The following CPPED1 variants were observed in gnomAD, a reference collection of about 807,000 sequenced individuals.
CPPED1 encodes the protein calcineurin like phosphoesterase domain containing 1.
A neutral mutation model predicts 28.0 loss-of-function variants in CPPED1; 28 were observed. The observed-to-expected ratio is 1.00, with a 90% confidence interval of 0.74 to 1.37. The LOEUF (loss-of-function observed/expected upper bound fraction) is 1.37. CPPED1 is among the 40% of genes most tolerant of loss of function. The probability of loss-of-function intolerance (pLI) is 0.00; values close to 1 mark genes in which losing one functional copy is unlikely to be tolerated. For synonymous variants in CPPED1, 198 were observed against 180.2 expected (o/e 1.10, Z -0.79); for missense variants, 504 against 416.5 (o/e 1.21, Z -1.83).
chr16:12,735,769 C>A (rs1439288166), intron 2 of CPPED1, among the ~76,000 whole-genome samples: 1 of 152,180 alleles, frequency 6.6e-6, no homozygotes, highest in Admixed American at 6.5e-5. Flanking sequence ...TAAAATAAAT[C>A]AGGGGAAGAG....
At chr16:12,771,074 A>G (rs1485348537) in intron 2 of CPPED1, among the ~76,000 whole-genome samples, 6 of 152,248 alleles carry the variant, frequency 3.9e-5, no homozygotes, top group Non-Finnish European at 8.8e-5. Context: ...TAAAGTAACA[A>G]TAAAAAGATC....
Position 12,660,437 on chromosome 16 carries a change from C to G in CPPED1, c.*4449G>C, listed in dbSNP as rs2079787391. Reference sequence around the variant, plus strand: ...AAAAGGAAAATTTAGTCAGCAAAATCTTTTCTAGATAAATGCTAGAAATCA... The same window carrying G: ...AAAAGGAAAATTTAGTCAGCAAAATGTTTTCTAGATAAATGCTAGAAATCA... On this transcript the variant is annotated 3_prime_UTR_variant, in exon 4 of 4. Coordinates refer to ENST00000381774, the MANE Select transcript of CPPED1 (RefSeq NM_018340.3). The G allele has an allele frequency of 6.6e-6, 1 of 151,816 alleles. No individual in the cohort carries two copies. Among genetic ancestry groups the G allele is most frequent in the Non-Finnish European group, 1.5e-5 (1 of 68,030 alleles). 9.4% of individuals were successfully genotyped at this position (151,816 alleles called of 1,614,324 possible).
Position 12,803,115 on chromosome 16 carries a change from C to T in CPPED1, c.70+592G>A, listed in dbSNP as rs545903559. ...CCCTATGAGGCAGGTATTATCAAAC[C>T]CATTTTTAAGGCAAAGCAGATAATC... On this transcript the variant is annotated intron_variant, in intron 1 of 3. Coordinates refer to ENST00000381774, the MANE Select transcript of CPPED1 (RefSeq NM_018340.3). Among the ~76,000 whole-genome samples the T allele has an allele frequency of 2.0e-5, 3 of 152,316 alleles. No individual in the cohort carries two copies. In the East Asian group the frequency reaches 5.8e-4, roughly 29 times the overall value.
chr16:12,772,915 A>G (rs1446908539), intron 2 of CPPED1, among the ~76,000 whole-genome samples: 1 of 152,238 alleles, frequency 6.6e-6, no homozygotes, highest in Non-Finnish European at 1.5e-5. Context: ...AGTGCCCTGT[A>G]ATGAAATCCA....
chr16:12,683,102 C>A (rs1403620316), intron 3 of CPPED1, among the ~76,000 whole-genome samples: 1 of 152,166 alleles, frequency 6.6e-6, no homozygotes, highest in Admixed American at 6.5e-5. Context: ...GGAGAAAGTG[C>A]CCTGCCTCTG....
intron 2 of CPPED1, among the ~76,000 whole-genome samples, chr16:12,757,139 T>G (rs1444462836): frequency 2.0e-5 from 3 of 151,612 alleles, no homozygotes. Context: ...GGTGACCAAT[T>G]AAGTTATAGC....
chr16:12,686,427 G>A (rs1488017461), intron 3 of CPPED1, among the ~76,000 whole-genome samples: 5 of 152,158 alleles, frequency 3.3e-5, no homozygotes, highest in African/African-American at 1.2e-4. Flanking sequence ...CAAAATAACA[G>A]AGTTCCCCTG....
At chr16:12,785,161 C>G (rs1030067627) in intron 1 of CPPED1, among the ~76,000 whole-genome samples, 1 of 152,200 alleles carries the variant, frequency 6.6e-6, no homozygotes, top group Non-Finnish European at 1.5e-5. Context: ...GCTTACAATG[C>G]TTAATTCTAG....
chr16:12,755,494 C>T (rs2080360213), intron 2 of CPPED1, among the ~76,000 whole-genome samples: 1 of 151,718 alleles, frequency 6.6e-6, no homozygotes, highest in South Asian at 2.1e-4. Context: ...GTGGCTGAGG[C>T]TGGTGTATGA....
At chr16:12,772,079 TA>T (rs1426293766) in intron 2 of CPPED1, among the ~76,000 whole-genome samples, 3 of 151,982 alleles carry the variant, frequency 2.0e-5, no homozygotes, top group African/African-American at 4.8e-5. Flanking sequence ...GCTGAGATCG[TA>T]CCGCTGCACT....
intron 3 of CPPED1, among the ~76,000 whole-genome samples, chr16:12,695,379 C>G (rs2079984541): frequency 6.6e-6 from 1 of 152,072 alleles, no homozygotes; most frequent in South Asian, 2.1e-4. Context: ...ATCCTCCCAC[C>G]TCAGCCTTCT....
At chr16:12,746,915 G>A (rs1165742519) in intron 2 of CPPED1, among the ~76,000 whole-genome samples, 1 of 152,074 alleles carries the variant, frequency 6.6e-6, no homozygotes, top group African/African-American at 2.4e-5. Flanking sequence ...AATGGGCCAG[G>A]TGGAACTCAA....
intron 3 of CPPED1, among the ~76,000 whole-genome samples, chr16:12,694,603 T>C (rs1250210604): frequency 2.6e-5 from 4 of 151,606 alleles, no homozygotes; most frequent in East Asian, 1.9e-4. Flanking sequence ...GATTGGAACC[T>C]AAAAAATAGG....
intron 3 of CPPED1, among the ~76,000 whole-genome samples, chr16:12,687,649 TA>T (rs1274178494): frequency 2.0e-5 from 3 of 152,154 alleles, no homozygotes; most frequent in Non-Finnish European, 2.9e-5. Context: ...CGAGCACCTA[TA>T]ATCCCAGCTA....
rs78475654 is a variant in CPPED1, at chr16:12,803,863, G to A, written c.-87C>T. On this transcript the variant is annotated 5_prime_UTR_variant, in exon 1 of 4. Coordinates refer to ENST00000381774, the MANE Select transcript of CPPED1 (RefSeq NM_018340.3). ...ACAGAACAACCGCTGGACCTGTCCC[G>A]CTTTGGGCGACGCCCTTTGATCTCG... The A allele has an allele frequency of 5.8e-4, 766 of 1,310,230 alleles. 5 individuals are homozygous for A. In the African/African-American group the frequency reaches 8.9e-3, roughly 15 times the overall value. The allele number at this position is 1,310,230 out of a possible 1,614,324, so 81.2% of individuals were successfully genotyped here.
At chr16:12,754,004 C>T (rs1186136646) in intron 2 of CPPED1, 2 of 152,150 alleles carry the variant, frequency 1.3e-5, no homozygotes, top group South Asian at 2.1e-4. Context: ...GTCAGTCTCA[C>T]GGGGGTCTTG....
intron 2 of CPPED1, among the ~76,000 whole-genome samples, chr16:12,734,065 T>A (rs1362376535): frequency 8.6e-6 from 1 of 116,222 alleles, no homozygotes; most frequent in Admixed American, 8.6e-5. Context: ...CACGTTTTTT[T>A]TTTTTTTTTT....
intron 1 of CPPED1, among the ~76,000 whole-genome samples, chr16:12,797,649 G>C (rs1194604889): frequency 6.6e-6 from 1 of 152,150 alleles, no homozygotes; most frequent in African/African-American, 2.4e-5. Flanking sequence ...GGCCACAACG[G>C]AAGAACTGTC....
At chr16:12,796,284 A>T (rs548508337) in intron 1 of CPPED1, among the ~76,000 whole-genome samples, 8 of 152,174 alleles carry the variant, frequency 5.3e-5, no homozygotes, top group African/African-American at 1.4e-4. Flanking sequence ...ACCTGAGGTC[A>T]GGAGTTCCAG....
Sources: allele counts gnomAD v4.1 joint callset (sites outside exome capture counted in the v4.1 genomes callset), GRCh38; gene constraint gnomAD v4.1.1; transcripts MANE v1.5; gene names NCBI Gene and HGNC (gene_info 2026-07-23, HGNC 2026-07-21).